Variants in GALM observed in about 807,000 individuals in gnomAD.
GALM encodes the protein galactose mutarotase, also known as aldose 1-epimerase.
GALM carries 43 observed loss-of-function variants against 37.4 expected under a neutral mutation model. The observed-to-expected ratio is 1.15, with a 90% CI of 0.90 to 1.48. The LOEUF (loss-of-function observed/expected upper bound fraction) is 1.48, where lower values mean the gene tolerates loss of function less well. Ranked by LOEUF, GALM falls within the 40% of genes most tolerant of loss-of-function variation. The pLI, the probability that GALM is intolerant of heterozygous loss-of-function variation, is 0.00. For missense variants in GALM, 456 were observed against 419.1 expected, an observed-to-expected ratio of 1.09 and a Z score of -0.77; for synonymous variants, 199 against 170.6, an observed-to-expected ratio of 1.17 and a Z score of -1.30.
At position 38,666,189 on chromosome 2, in the gene GALM, G is replaced by C. The variant is rs1664926905; in HGVS notation, c.28G>C (p.Gly10Arg). The stretch of plus-strand genomic sequence containing the variant: ...GGCTTCGGTGACCAGGGCCGTGTTT[G>C]GAGAGCTGCCCTCGGGAGGAGGGAC... MASVTRAVF[G>R]ELPSGGGTVE... The change falls in exon 1 of 7, where the codon GGA becomes CGA. Residue 10 changes from glycine to arginine, a missense_variant. Coordinates refer to ENST00000272252, the MANE Select transcript of GALM (RefSeq NM_138801.3). The C allele has an allele frequency of 1.2e-6, 2 of 1,613,452 alleles. No individual in the cohort carries two copies. Among genetic ancestry groups the C allele is most frequent in the African/African-American group, 2.7e-5 (2 of 74,906 alleles).
intron 4 of GALM, among the ~76,000 whole-genome samples, chr2:38,718,382 A>G (rs1666312102): frequency 6.6e-6 from 1 of 150,550 alleles, no homozygotes; most frequent in South Asian, 2.2e-4. Context: ...TATTTTCAGT[A>G]GAGACGGGGT....
rs560560006 is a variant in GALM, at chr2:38,695,789, C to T, written c.634+5895C>T. ...GCTCTCTGCAGCAACCTCCACCTCC[C>T]GGGTTCAAGTGCTTCTCCTGCCTCT... is the stretch of plus-strand genomic sequence containing the variant. On this transcript the variant is annotated intron_variant, in intron 4 of 6. Coordinates refer to ENST00000272252, the MANE Select transcript of GALM (RefSeq NM_138801.3). Among the ~76,000 whole-genome samples, 5 of 152,122 alleles carry T rather than the reference C, an allele frequency of 3.3e-5. No homozygotes were observed. In the South Asian group the frequency reaches 8.3e-4, roughly 25 times the overall value.
At chr2:38,726,864 C>G (rs1666496257) in intron 4 of GALM, among the ~76,000 whole-genome samples, 1 of 150,174 alleles carries the variant, frequency 6.7e-6, no homozygotes, top group Non-Finnish European at 1.5e-5. Context: ...CCACTGCACT[C>G]CAGCCTGGGC....
Position 38,710,753 on chromosome 2 carries a change from C to CTTT in GALM, c.635-18787_635-18785dup, listed in dbSNP as rs531054454. On this transcript the variant is annotated intron_variant, in intron 4 of 6. Coordinates refer to ENST00000272252, the MANE Select transcript of GALM (RefSeq NM_138801.3). ...GTTTGGTCATACTGGTCATTTCCTT[C>CTTT]TTTTTTTTTTTTTTTTTTAGACGGA... Among the ~76,000 whole-genome samples, 369 of 133,424 alleles carry CTTT rather than the reference C, an allele frequency of 2.8e-3. 2 individuals are homozygous for CTTT. Among genetic ancestry groups the CTTT allele is most frequent in the Non-Finnish European group, 4.4e-3 (271 of 61,390 alleles). The allele number at this position is 133,424 out of a possible 152,430, so 87.5% of individuals were successfully genotyped here.
intron 4 of GALM, among the ~76,000 whole-genome samples, chr2:38,724,605 T>C (rs915431872): frequency 3.3e-5 from 5 of 152,316 alleles, no homozygotes; most frequent in South Asian, 4.1e-4. Context: ...ATGGACAAGA[T>C]AGATTGGAGC....
At chr2:38,675,518 GTTTTTTTGTTTTTTTTTT>G (rs1345114350) in intron 1 of GALM, among the ~76,000 whole-genome samples, 4 of 104,976 alleles carry the variant, frequency 3.8e-5, no homozygotes, top group African/African-American at 1.8e-4. Context: ...TGGATTGAGG[GTTTTTTTGTTTTTTTTTT>G]TTTTTTTTGT....
intron 4 of GALM, among the ~76,000 whole-genome samples, chr2:38,713,862 G>A (rs1666217560): frequency 6.6e-6 from 1 of 150,476 alleles, no homozygotes; most frequent in East Asian, 2.0e-4. Context: ...CTGTGATCGT[G>A]CCACAGCACT....
intron 4 of GALM, among the ~76,000 whole-genome samples, chr2:38,695,573 C>A (rs1042371644): frequency 6.6e-6 from 1 of 152,298 alleles, no homozygotes; most frequent in East Asian, 1.9e-4. Flanking sequence ...CAGCTTTGGC[C>A]TTTTTGCATA....
In GALM at chr2:38,698,575, C is replaced by T; in HGVS notation, c.634+8681C>T. ...CATTTGCTGCTCCATAGGATGGGAGCACACTCTGTTGTTGGGCATATGAGT... is the reference window on the plus strand; with the variant it reads ...CATTTGCTGCTCCATAGGATGGGAGTACACTCTGTTGTTGGGCATATGAGT... On this transcript the variant is annotated intron_variant, in intron 4 of 6. Transcript: ENST00000272252. The T allele has an allele frequency of 8.3e-6, 3 of 361,678 alleles. 1 individual carries two copies. Among genetic ancestry groups the T allele is most frequent in the South Asian group, 6.5e-5 (3 of 46,056 alleles). 22.4% of individuals were successfully genotyped at this position (361,678 alleles called of 1,614,324 possible).
chr2:38,674,147 AC>A (rs1207698955), intron 1 of GALM, among the ~76,000 whole-genome samples: 1 of 151,446 alleles, frequency 6.6e-6, no homozygotes, highest in African/African-American at 2.4e-5. Context: ...AAATAAAAGT[AC>A]AGGATGCCTG....
chr2:38,726,142 G>C (rs1403148054), intron 4 of GALM, among the ~76,000 whole-genome samples: 1 of 152,146 alleles, frequency 6.6e-6, no homozygotes, highest in Non-Finnish European at 1.5e-5. Context: ...GAACTGATCA[G>C]GGTTTAGAGG....
At chr2:38,713,223 C>T (rs775119980) in intron 4 of GALM, among the ~76,000 whole-genome samples, 2 of 152,138 alleles carry the variant, frequency 1.3e-5, no homozygotes, top group Non-Finnish European at 2.9e-5. Context: ...AACATTCTTC[C>T]ACCCCAATAT....
intron 1 of GALM, among the ~76,000 whole-genome samples, chr2:38,671,959 C>G (rs1474598388): frequency 1.3e-5 from 2 of 151,870 alleles, no homozygotes; most frequent in Admixed American, 6.6e-5. Context: ...GCACTCCAGC[C>G]TAGGTGACAG....
At chr2:38,679,029 C>G (rs1665329138) in intron 2 of GALM, among the ~76,000 whole-genome samples, 1 of 152,148 alleles carries the variant, frequency 6.6e-6, no homozygotes, top group Non-Finnish European at 1.5e-5. Flanking sequence ...CTCTGTTGCC[C>G]AGGCTGGAGT....
chr2:38,669,574 A>G (rs1334885944), intron 1 of GALM: 1 of 152,182 alleles, frequency 6.6e-6, no homozygotes, highest in East Asian at 1.9e-4. Flanking sequence ...TGAGTTTTTC[A>G]ACCTTTTTTT....
chr2:38,719,397 AGGTGGAGGTTGCAGTG>A (rs1490790570), intron 4 of GALM, among the ~76,000 whole-genome samples: 1 of 149,100 alleles, frequency 6.7e-6, no homozygotes, highest in African/African-American at 2.5e-5. Context: ...TGAACCTGGG[AGGTGGAGGTTGCAGTG>A]GGCCGAGATC....
intron 1 of GALM, among the ~76,000 whole-genome samples, chr2:38,674,031 T>C (rs551619251): frequency 2.0e-5 from 3 of 152,154 alleles, no homozygotes; most frequent in African/African-American, 7.2e-5. Flanking sequence ...TTAAATGAAG[T>C]GTACGTGCCA....
At position 38,691,724 on chromosome 2, in the gene GALM, GT is replaced by G. The variant is rs201178661; in HGVS notation, c.634+1845del. On this transcript the variant is annotated intron_variant, in intron 4 of 6. Coordinates refer to ENST00000272252, the MANE Select transcript of GALM (RefSeq NM_138801.3). ...GGAATATATGTGTTATATTTCAGTAGTTTTTTTTTTTTTTTAAAAAAGACCA... is the reference window on the plus strand; with the variant it reads ...GGAATATATGTGTTATATTTCAGTAGTTTTTTTTTTTTTTAAAAAAGACCA... Among the ~76,000 whole-genome samples the G allele has an allele frequency of 1.3e-3, 188 of 142,238 alleles. 1 individual carries two copies. In the Middle Eastern group the frequency reaches 0.014, roughly 11 times the overall value. 93.3% of individuals were successfully genotyped at this position (142,238 alleles called of 152,430 possible). A position where few individuals can be genotyped will look rare whatever the true frequency, so the allele number is the denominator to read the frequency against.
intron 4 of GALM, among the ~76,000 whole-genome samples, chr2:38,690,446 G>A (rs1023493206): frequency 1.3e-5 from 2 of 151,942 alleles, no homozygotes; most frequent in African/African-American, 4.8e-5. Context: ...GAGGGGGGCG[G>A]TGCGGGAGGG....
Sources: allele counts gnomAD v4.1 joint callset (sites outside exome capture counted in the v4.1 genomes callset), GRCh38; gene constraint gnomAD v4.1.1; transcripts MANE v1.5; gene names NCBI Gene and HGNC (gene_info 2026-07-23, HGNC 2026-07-21).